The following HIVEP3 variants were observed in gnomAD, a reference collection of about 807,000 sequenced individuals.
HIVEP3 encodes the protein transcription factor HIVEP3.
In HIVEP3, 49 loss-of-function variants were observed where a neutral mutation model predicts 152.8. That is an observed-to-expected ratio of 0.32 (90% confidence interval 0.26 to 0.41). The LOEUF (loss-of-function observed/expected upper bound fraction) is 0.41. Ranked by LOEUF, HIVEP3 falls within the 10% of genes least tolerant of loss-of-function variation. The pLI is 1.00. For synonymous variants in HIVEP3, 1,269 were observed against 1,289.0 expected, an observed-to-expected ratio of 0.98 and a Z score of 0.33; for missense variants, 2,790 against 3,103.3, an observed-to-expected ratio of 0.90 and a Z score of 2.40.
chr1:41,642,171 C>A (rs1043499950), intron 2 of HIVEP3, among the ~76,000 whole-genome samples: 1 of 152,190 alleles, frequency 6.6e-6, no homozygotes, highest in Non-Finnish European at 1.5e-5. Context: ...TCCTGCCCAG[C>A]CCACCGATCC....
At chr1:41,558,891 C>T (rs970263494) in intron 5 of HIVEP3, among the ~76,000 whole-genome samples, 4 of 152,160 alleles carry the variant, frequency 2.6e-5, no homozygotes, top group African/African-American at 4.8e-5. Context: ...CTCTCATGTG[C>T]AGCCCTGTCA....
At chr1:41,628,252 G>T (rs1342315363) in intron 3 of HIVEP3, among the ~76,000 whole-genome samples, 1 of 152,192 alleles carries the variant, frequency 6.6e-6, no homozygotes, top group African/African-American at 2.4e-5. Flanking sequence ...GGTGGGGTGA[G>T]AAAGGGGACT....
intron 1 of HIVEP3, among the ~76,000 whole-genome samples, chr1:41,941,776 A>G (rs1645047111): frequency 1.3e-5 from 2 of 152,208 alleles, no homozygotes; most frequent in South Asian, 4.1e-4. Context: ...GAAGCCATGA[A>G]TTGCCCACAC....
At chr1:41,870,152 C>T (rs762246939) in intron 1 of HIVEP3, among the ~76,000 whole-genome samples, 1 of 152,122 alleles carries the variant, frequency 6.6e-6, no homozygotes, top group Non-Finnish European at 1.5e-5. Flanking sequence ...AGGGAAGGTG[C>T]TGCAGGGGTG....
At chr1:41,978,769 C>A (rs1460303485) in intron 1 of HIVEP3, among the ~76,000 whole-genome samples, 7 of 152,174 alleles carry the variant, frequency 4.6e-5, no homozygotes, top group Middle Eastern at 3.2e-3. Flanking sequence ...GGAGGAGAAG[C>A]ATGGGAGCCT....
At chr1:41,878,722 T>G (rs1165775860) in intron 1 of HIVEP3, among the ~76,000 whole-genome samples, 1 of 118,804 alleles carries the variant, frequency 8.4e-6, no homozygotes, top group Non-Finnish European at 1.7e-5. Context: ...ACTCCCTCCC[T>G]TCCTTCCTCT....
chr1:41,937,896 C>G (rs1370324156), intron 1 of HIVEP3, among the ~76,000 whole-genome samples: 2 of 152,150 alleles, frequency 1.3e-5, no homozygotes, highest in African/African-American at 4.8e-5. Context: ...CTTGTTCATG[C>G]CAGCACCTTA....
At chr1:41,839,124 T>C (rs893553814) in intron 1 of HIVEP3, among the ~76,000 whole-genome samples, 4 of 152,180 alleles carry the variant, frequency 2.6e-5, no homozygotes, top group African/African-American at 9.7e-5. Flanking sequence ...GTTCTTGGTC[T>C]GCCACAGGGA....
At chr1:41,961,630 G>A (rs1418943241) in intron 1 of HIVEP3, among the ~76,000 whole-genome samples, 1 of 152,218 alleles carries the variant, frequency 6.6e-6, no homozygotes, top group East Asian at 1.9e-4. Context: ...ATGCATAAAT[G>A]ACAAATAAAT....
rs1046825826 is a variant in HIVEP3, at chr1:41,579,874, C to G, written c.4924G>C (p.Val1642Leu). The G allele has an allele frequency of 1.9e-6, 3 of 1,614,092 alleles. No homozygotes were observed. The African/African-American group carries it at 4.0e-5, about 22-fold the overall frequency. The change falls in exon 4 of 9, where the codon GTT becomes CTT. Residue 1642 changes from valine (V) to leucine (L), a missense_variant. By Grantham distance (32) the Val-to-Leu change is conservative. Coordinates refer to ENST00000372583, the MANE Select transcript of HIVEP3 (RefSeq NM_024503.5). ...AGGGACAAAGCAGCTTTAGTGGAAA[C>G]CCCCGGAAGGTTGGGGTTGTACAAA... ...ISLYNPNLPG[V>L]STKAALSLLR... is the part of the protein sequence containing the mutation.
intron 1 of HIVEP3, among the ~76,000 whole-genome samples, chr1:41,960,414 A>G (rs1011923564): frequency 2.6e-5 from 4 of 152,180 alleles, no homozygotes; most frequent in African/African-American, 9.6e-5. Context: ...TGCCTTAACT[A>G]GAGACATCTG....
At chr1:41,930,999 C>T (rs1414148147) in intron 1 of HIVEP3, among the ~76,000 whole-genome samples, 1 of 152,026 alleles carries the variant, frequency 6.6e-6, no homozygotes, top group Non-Finnish European at 1.5e-5. Context: ...CTTGAAAGTT[C>T]TTTATATATT....
chr1:41,874,005 G>T (rs2124417209), intron 1 of HIVEP3, among the ~76,000 whole-genome samples: 1 of 152,304 alleles, frequency 6.6e-6, no homozygotes, highest in South Asian at 2.1e-4. Context: ...GCTCCAGGAA[G>T]GGGCAGTATC....
intron 2 of HIVEP3, among the ~76,000 whole-genome samples, chr1:41,690,111 G>T (rs1391386680): frequency 6.6e-6 from 1 of 152,230 alleles, no homozygotes; most frequent in African/African-American, 2.4e-5. Flanking sequence ...GATTGTTTTG[G>T]GTGCTGGGAA....
At position 41,622,918 on chromosome 1, in the gene HIVEP3, A is replaced by G. The variant is rs1264751426; in HGVS notation, c.-522+5831T>C. Among the ~76,000 whole-genome samples, 3 of 152,224 alleles carry G rather than the reference A, an allele frequency of 2.0e-5. No individual in the cohort carries two copies. The East Asian group carries it at 5.8e-4, about 29-fold the overall frequency. On this transcript the variant is annotated intron_variant, in intron 3 of 8. Transcript: ENST00000372583. ...ACACTGGGCTGTGCCCTTTACACAT[A>G]TTCATTTAATCTGCAGAGTAACTGC...
chr1:41,698,062 G>A (rs1369808718), intron 2 of HIVEP3, among the ~76,000 whole-genome samples: 1 of 152,196 alleles, frequency 6.6e-6, no homozygotes, highest in South Asian at 2.1e-4. Flanking sequence ...ACTAGTGCAG[G>A]TGGAGTGTAC....
chr1:41,933,600 A>T (rs551281446), intron 1 of HIVEP3, among the ~76,000 whole-genome samples: 16 of 152,232 alleles, frequency 1.1e-4, no homozygotes, highest in African/African-American at 3.4e-4. Flanking sequence ...GCTGGTTCTT[A>T]ATTTTTCATA....
intron 1 of HIVEP3, among the ~76,000 whole-genome samples, chr1:41,767,644 A>G (rs1239814553): frequency 6.6e-6 from 1 of 151,676 alleles, no homozygotes; most frequent in African/African-American, 2.4e-5. Flanking sequence ...GAGCTGAAGG[A>G]CTCTCCCTTC....
At chr1:41,867,234 T>C (rs1557464657) in intron 1 of HIVEP3, among the ~76,000 whole-genome samples, 1 of 152,066 alleles carries the variant, frequency 6.6e-6, no homozygotes, top group Non-Finnish European at 1.5e-5. Flanking sequence ...ATGAGGTGGA[T>C]GGGGCTTCCT....
Sources: gnomAD v4.1 joint callset for allele counts (sites outside exome capture counted in the v4.1 genomes callset) on GRCh38, gnomAD v4.1.1 for gene constraint, MANE v1.5 for transcripts, NCBI Gene and HGNC (gene_info 2026-07-23, HGNC 2026-07-21) for gene names.